Variants in BTG4 observed in about 807,000 individuals in gnomAD.
BTG4 encodes the protein BTG anti-proliferation factor 4, also known as protein BTG4.
Under a neutral mutation model 19.3 loss-of-function variants are expected in BTG4, and 10 were observed. The ratio of observed to expected loss-of-function variants is 0.52; its 90% CI spans 0.32 to 0.88. BTG4 has a LOEUF of 0.88. Ranked by LOEUF, BTG4 falls within the 40% of genes least tolerant of loss-of-function variation. The pLI is 0.04. For synonymous variants in BTG4, 91 were observed against 95.7 expected (o/e 0.95, Z 0.29); for missense variants, 238 against 281.9 (o/e 0.84, Z 1.11).
At chr11:111,472,497 C>T (rs1416213051) in intron 5 of BTG4, among the ~76,000 whole-genome samples, 1 of 152,162 alleles carries the variant, frequency 6.6e-6, no homozygotes, top group East Asian at 1.9e-4. Context: ...AAACAGCCTA[C>T]AGTGCATGGG....
chr11:111,488,780 C>T (rs997507428), intron 5 of BTG4, among the ~76,000 whole-genome samples: 4 of 152,100 alleles, frequency 2.6e-5, no homozygotes, highest in African/African-American at 7.2e-5. Context: ...GACAAAAAAT[C>T]CAAACAGGCA....
chr11:111,482,277 G>A (rs1004882997), intron 5 of BTG4, among the ~76,000 whole-genome samples: 1 of 151,930 alleles, frequency 6.6e-6, no homozygotes, highest in Non-Finnish European at 1.5e-5. Flanking sequence ...TCATGTACAA[G>A]AGTTGTATAA....
At chr11:111,503,694 CA>C (rs1866249334) in intron 1 of BTG4, among the ~76,000 whole-genome samples, 1 of 152,122 alleles carries the variant, frequency 6.6e-6, no homozygotes, top group South Asian at 2.1e-4. Context: ...GCAACATACA[CA>C]TATTTTATTT....
intron 1 of BTG4, among the ~76,000 whole-genome samples, chr11:111,507,604 G>A (rs763889346): frequency 2.6e-5 from 4 of 152,160 alleles, no homozygotes; most frequent in Admixed American, 6.5e-5. Flanking sequence ...TGGTGATGTG[G>A]TGGTGCCAAT....
the BTG4 span, among the ~76,000 whole-genome samples, chr11:111,421,192 C>T: frequency 6.6e-6 from 1 of 152,142 alleles, no homozygotes; most frequent in Non-Finnish European, 1.5e-5. Context: ...TCATATAGGG[C>T]CTCGTAGACT....
downstream of BTG4, chr11:111,467,430 T>G (rs917652164): frequency 2.1e-6 from 1 of 468,838 alleles, no homozygotes; most frequent in African/African-American, 2.0e-5. Flanking sequence ...CTACTTACCC[T>G]GTTGCAATTT....
the BTG4 span, among the ~76,000 whole-genome samples, chr11:111,429,667 C>A: frequency 6.6e-6 from 1 of 152,282 alleles, no homozygotes; most frequent in East Asian, 1.9e-4. Context: ...AGGTAGTAAA[C>A]TCCCAAAACT....
the BTG4 span, among the ~76,000 whole-genome samples, chr11:111,444,161 A>C: frequency 2.4e-4 from 36 of 151,838 alleles, no homozygotes; most frequent in African/African-American, 8.0e-4. Flanking sequence ...AGTGTAATTA[A>C]TTCAAACCAC....
downstream of BTG4, chr11:111,462,582 AG>A (rs1451052571): frequency 6.5e-6 from 1 of 152,858 alleles, no homozygotes; most frequent in Non-Finnish European, 1.5e-5. Flanking sequence ...TCTTACCTGC[AG>A]GTTCCCCTGA....
upstream of BTG4, chr11:111,513,164 C>T (rs559529226): frequency 6.1e-5 from 23 of 378,834 alleles, no homozygotes; most frequent in East Asian, 1.5e-3. Flanking sequence ...CGAGGAAACC[C>T]GCGGTTTCTC....
At chr11:111,412,085 C>T in the BTG4 span, among the ~76,000 whole-genome samples, 6 of 152,214 alleles carry the variant, frequency 3.9e-5, no homozygotes, top group Non-Finnish European at 8.8e-5. Flanking sequence ...ATTAATTGGA[C>T]CAGAAATGAG....
chr11:111,500,679 CTT>C (rs71303204), intron 1 of BTG4, among the ~76,000 whole-genome samples: 2 of 150,008 alleles, frequency 1.3e-5, no homozygotes, highest in African/African-American at 4.9e-5. Flanking sequence ...GAGTAATCCT[CTT>C]TTTTTTTTCC....
the BTG4 span, among the ~76,000 whole-genome samples, chr11:111,419,113 CT>C: frequency 1.3e-5 from 2 of 152,288 alleles, no homozygotes; most frequent in Non-Finnish European, 2.9e-5. Flanking sequence ...CTCATTTTAC[CT>C]AAATAACCTC....
chr11:111,388,682 C>A, the BTG4 span, among the ~76,000 whole-genome samples: 3 of 152,184 alleles, frequency 2.0e-5, no homozygotes, highest in Non-Finnish European at 4.4e-5. Flanking sequence ...CTGGCACACA[C>A]TCTGCCTGTC....
At chr11:111,411,790 T>A in the BTG4 span, among the ~76,000 whole-genome samples, 1 of 152,330 alleles carries the variant, frequency 6.6e-6, no homozygotes, top group East Asian at 1.9e-4. Flanking sequence ...GTAAGCTCCA[T>A]GGTAGCCAAA....
At chr11:111,475,149 T>TTAA (rs1864325528) in intron 5 of BTG4, 1 of 152,636 alleles carries the variant, frequency 6.6e-6, no homozygotes, top group Non-Finnish European at 1.5e-5. Flanking sequence ...TTAAAAGGTC[T>TTAA]TAAATACATC....
the BTG4 span, among the ~76,000 whole-genome samples, chr11:111,392,830 C>T: frequency 1.3e-5 from 2 of 152,140 alleles, no homozygotes; most frequent in Admixed American, 6.6e-5. Flanking sequence ...CCGCCACCAA[C>T]CTTGTCTCCT....
chr11:111,409,602 G>A, the BTG4 span, among the ~76,000 whole-genome samples: 6 of 152,242 alleles, frequency 3.9e-5, no homozygotes, highest in South Asian at 1.0e-3. Context: ...TTCTTTTACA[G>A]CCTGCAGAAC....
the BTG4 span, among the ~76,000 whole-genome samples, chr11:111,396,296 C>T: frequency 2.0e-5 from 3 of 152,264 alleles, no homozygotes; most frequent in East Asian, 1.9e-4. Context: ...AACAAGTCAC[C>T]GTGATTTCCA....
Sources: allele counts gnomAD v4.1 joint callset (sites outside exome capture counted in the v4.1 genomes callset), GRCh38; gene constraint gnomAD v4.1.1; transcripts MANE v1.5; gene names NCBI Gene and HGNC (gene_info 2026-07-23, HGNC 2026-07-21).